AP3B1: variants seen among roughly 807,000 people sequenced by gnomAD.
AP3B1 encodes AP-3 complex subunit beta-1.
In AP3B1, 61 loss-of-function variants were observed where a neutral mutation model predicts 132.5. The observed-to-expected ratio is 0.46, with a 90% CI of 0.37 to 0.57. AP3B1 has a LOEUF of 0.57. Among genes scored for constraint, AP3B1 ranks in the 20% least tolerant of loss-of-function variants. The probability of loss-of-function intolerance (pLI) is 0.00; values close to 1 mark genes in which losing one functional copy is unlikely to be tolerated. For missense variants in AP3B1, 1,120 were observed against 1,289.4 expected (o/e 0.87, Z 2.01); for synonymous variants, 388 against 438.3 (o/e 0.89, Z 1.43).
intron 11 of AP3B1, among the ~76,000 whole-genome samples, chr5:78,170,809 T>C (rs1048893621): frequency 2.6e-5 from 4 of 152,256 alleles, no homozygotes; most frequent in Admixed American, 1.3e-4. Flanking sequence ...TCCTTGCCCA[T>C]GCCTATGTCC....
chr5:78,279,907 AATAT>A (rs55881507), intron 1 of AP3B1, among the ~76,000 whole-genome samples: 2 of 114,376 alleles, frequency 1.7e-5, no homozygotes, highest in African/African-American at 3.2e-5. Flanking sequence ...ATATGACTTA[AATAT>A]ATATATATAT....
intron 1 of AP3B1, among the ~76,000 whole-genome samples, chr5:78,277,866 T>C (rs1025089329): frequency 1.3e-5 from 2 of 152,236 alleles, no homozygotes; most frequent in African/African-American, 2.4e-5. Context: ...ATCTTCCATG[T>C]CTTCATATCA....
chr5:78,250,552 A>G (rs989743385), intron 2 of AP3B1, among the ~76,000 whole-genome samples: 3 of 152,202 alleles, frequency 2.0e-5, no homozygotes, highest in African/African-American at 7.2e-5. Context: ...TTCAAACAGA[A>G]ATTCTGGAAA....
intron 7 of AP3B1, among the ~76,000 whole-genome samples, chr5:78,186,004 CAAACAAA>C (rs1241471921): frequency 1.3e-5 from 2 of 151,666 alleles, no homozygotes; most frequent in East Asian, 3.9e-4. Flanking sequence ...CTAGAGAGAA[CAAACAAA>C]AAACAAAAAA....
chr5:78,087,064 T>C (rs1442112506), intron 22 of AP3B1, among the ~76,000 whole-genome samples: 2 of 152,176 alleles, frequency 1.3e-5, no homozygotes, highest in Non-Finnish European at 2.9e-5. Flanking sequence ...TTTAACTACT[T>C]CTAGTGTAGT....
chr5:78,065,929 G>T (rs1451060326), intron 22 of AP3B1, among the ~76,000 whole-genome samples: 2 of 152,100 alleles, frequency 1.3e-5, no homozygotes, highest in Non-Finnish European at 2.9e-5. Flanking sequence ...CATCAGATTG[G>T]TGCCCCTTTG....
At chr5:78,032,706 T>C (rs747911166) in intron 24 of AP3B1, among the ~76,000 whole-genome samples, 21 of 151,962 alleles carry the variant, frequency 1.4e-4, no homozygotes, top group Non-Finnish European at 1.0e-4. Context: ...AAATTTTTGA[T>C]CTAGCATGCT....
intron 22 of AP3B1, among the ~76,000 whole-genome samples, chr5:78,087,183 C>G (rs1396536993): frequency 6.6e-6 from 1 of 152,138 alleles, no homozygotes; most frequent in Admixed American, 6.5e-5. Context: ...TAGATGTACT[C>G]TATCATCTAT....
chr5:78,017,871 G>C (rs1313141122), intron 25 of AP3B1, among the ~76,000 whole-genome samples: 4 of 151,910 alleles, frequency 2.6e-5, no homozygotes, highest in African/African-American at 9.7e-5. Flanking sequence ...TTTGGTGAAG[G>C]CAGTAGATAG....
chr5:78,168,764 C>T (rs1743770392), intron 11 of AP3B1, among the ~76,000 whole-genome samples: 1 of 152,120 alleles, frequency 6.6e-6, no homozygotes, highest in Admixed American at 6.5e-5. Context: ...TCACTATGCA[C>T]GTAAGTTTCA....
chr5:78,010,635 TCA>T (rs1389725641), intron 26 of AP3B1, among the ~76,000 whole-genome samples: 2 of 152,152 alleles, frequency 1.3e-5, no homozygotes, highest in Non-Finnish European at 2.9e-5. Context: ...CCTGGATATT[TCA>T]CAGAGAATCA....
At chr5:78,029,967 T>A (rs1376921602) in intron 24 of AP3B1, among the ~76,000 whole-genome samples, 1 of 152,202 alleles carries the variant, frequency 6.6e-6, no homozygotes, top group Non-Finnish European at 1.5e-5. Flanking sequence ...AGAACCCTAG[T>A]ATACCATCAC....
At chr5:78,121,057 C>T (rs964307015) in intron 17 of AP3B1, among the ~76,000 whole-genome samples, 4 of 152,310 alleles carry the variant, frequency 2.6e-5, no homozygotes, top group East Asian at 3.9e-4. Flanking sequence ...AACCGCTCAA[C>T]TGCATGGAAA....
Position 78,002,744 on chromosome 5 carries a change from A to C in AP3B1, c.*158T>G, listed in dbSNP as rs1746236720. The C allele has an allele frequency of 1.2e-6, 1 of 853,928 alleles. No individual in the cohort carries two copies. The highest frequency in any genetic ancestry group is 1.7e-5 in the African/African-American group (1 of 60,320). 52.9% of individuals were successfully genotyped at this position (853,928 alleles called of 1,614,324 possible). A position where few individuals can be genotyped will look rare whatever the true frequency, so the allele number is the denominator to read the frequency against. On this transcript the variant is annotated 3_prime_UTR_variant, in exon 27 of 27. Coordinates refer to ENST00000255194, the MANE Select transcript of AP3B1 (RefSeq NM_003664.5). ...GGGGAAAGTATTGCATACATGATAG[A>C]TACACACTAGCATTCTAAAGCAGGA... is the stretch of plus-strand genomic sequence containing the variant.
chr5:78,156,403 ATAATT>A, intron 13 of AP3B1, 36 bp from the exon 14 acceptor site: 1 of 1,401,206 alleles, frequency 7.1e-7, no homozygotes, highest in Non-Finnish European at 1.0e-6. Flanking sequence ...CTAAATATGT[ATAATT>A]CAATTCAAAT....
chr5:78,039,405 T>G (rs1441098724), intron 22 of AP3B1, 131 bp from the exon 23 acceptor site: 1 of 727,712 alleles, frequency 1.4e-6, no homozygotes, highest in African/African-American at 1.8e-5. Context: ...ATAACAAACA[T>G]TAGTAGGATA....
rs376010398 is a variant in AP3B1, at chr5:78,291,769, CTG to C, written c.128+2681_128+2682del. Among the ~76,000 whole-genome samples, 43 of 152,128 alleles carry C rather than the reference CTG, an allele frequency of 2.8e-4. 1 individual carries two copies. The East Asian group carries it at 3.7e-3, about 13-fold the overall frequency. On this transcript the variant is annotated intron_variant, in intron 1 of 26. Transcript: ENST00000255194. ...TAAATATATTATCTTGGACTGGAAA[CTG>C]TACTTGAGGAAAAAAATGCTTGGGA...
intron 6 of AP3B1, 43 bp from the exon 7 acceptor site, chr5:78,216,280 C>A: frequency 6.4e-6 from 10 of 1,571,140 alleles, no homozygotes; most frequent in Non-Finnish European, 8.7e-6. Flanking sequence ...AATGTTTCTC[C>A]CCTACATCAA....
intron 21 of AP3B1, among the ~76,000 whole-genome samples, chr5:78,096,155 C>T (rs148446830): frequency 0.02 from 3,053 of 152,282 alleles, 85 homozygotes; most frequent in African/African-American, 0.06. Flanking sequence ...CGATGGCAGG[C>T]GCGCGCCGCC....
Sources: allele counts gnomAD v4.1 joint callset (sites outside exome capture counted in the v4.1 genomes callset), GRCh38; gene constraint gnomAD v4.1.1; transcripts MANE v1.5; gene names NCBI Gene and HGNC (gene_info 2026-07-23, HGNC 2026-07-21).